ZNF18: variants seen among roughly 807,000 people sequenced by gnomAD.
ZNF18 encodes the protein zinc finger protein 18.
Under a neutral mutation model 58.1 loss-of-function variants are expected in ZNF18, and 42 were observed. The ratio of observed to expected loss-of-function variants is 0.72; its 90% CI spans 0.56 to 0.93. ZNF18 has a LOEUF of 0.93. Ranked by LOEUF, ZNF18 falls within the 40% of genes least tolerant of loss-of-function variation. The pLI, the probability that ZNF18 is intolerant of heterozygous loss-of-function variation, is 0.00. For synonymous variants in ZNF18, 231 were observed against 239.8 expected, an observed-to-expected ratio of 0.96 and a Z score of 0.34; for missense variants, 540 against 644.2, an observed-to-expected ratio of 0.84 and a Z score of 1.75.
intron 2 of ZNF18, 43 bp downstream of exon 2, chr17:11,992,400 G>A (rs201702997): frequency 5.1e-4 from 815 of 1,582,722 alleles, no homozygotes; most frequent in Non-Finnish European, 6.7e-4. Flanking sequence ...GACCAGAGAG[G>A]AGCCCTGTGT....
the ZNF18 span, among the ~76,000 whole-genome samples, chr17:12,008,716 G>T: frequency 2.0e-5 from 3 of 152,178 alleles, no homozygotes; most frequent in African/African-American, 7.2e-5. Context: ...AGATTGGGCA[G>T]GGCACTGCCC....
chr17:12,009,640 A>G, the ZNF18 span, among the ~76,000 whole-genome samples: 12 of 151,796 alleles, frequency 7.9e-5, no homozygotes, highest in African/African-American at 2.9e-4. Flanking sequence ...CTTGGTAGAG[A>G]CAAGGTTTCA....
chr17:12,008,622 G>A, the ZNF18 span, among the ~76,000 whole-genome samples: 2 of 152,180 alleles, frequency 1.3e-5, no homozygotes, highest in Admixed American at 1.3e-4. Context: ...GGTTAATGAT[G>A]CTCCCCTCAG....
chr17:11,985,103 C>T (rs112646204), intron 4 of ZNF18, among the ~76,000 whole-genome samples: 9 of 152,286 alleles, frequency 5.9e-5, no homozygotes, highest in African/African-American at 1.9e-4. Flanking sequence ...TAGAGTCTAA[C>T]ATTAAATTAG....
the ZNF18 span, chr17:12,010,765 T>C: frequency 3.0e-6 from 1 of 335,444 alleles, no homozygotes; most frequent in Admixed American, 3.7e-5. Flanking sequence ...ATAGGGAATA[T>C]GTTCCAGCAC....
the ZNF18 span, among the ~76,000 whole-genome samples, chr17:12,007,802 G>A: frequency 6.6e-6 from 1 of 152,136 alleles, no homozygotes; most frequent in Admixed American, 6.5e-5. Context: ...AGGTCTCACA[G>A]ATCAATTTTA....
the ZNF18 span, chr17:12,020,953 C>T: frequency 8.2e-7 from 1 of 1,216,804 alleles, no homozygotes. Flanking sequence ...CACCCCCGGC[C>T]CCGTAGGGTC....
At chr17:12,004,767 A>C in the ZNF18 span, among the ~76,000 whole-genome samples, 3 of 151,822 alleles carry the variant, frequency 2.0e-5, no homozygotes, top group African/African-American at 7.3e-5. Context: ...CATGCCTATA[A>C]TCCCAGCTAC....
At chr17:11,994,767 G>A (rs760654048) in intron 1 of ZNF18, among the ~76,000 whole-genome samples, 1 of 152,156 alleles carries the variant, frequency 6.6e-6, no homozygotes, top group African/African-American at 2.4e-5. Context: ...CATGAACCTG[G>A]GAGGCAGAGC....
the ZNF18 span, among the ~76,000 whole-genome samples, chr17:12,020,346 C>G: frequency 6.6e-6 from 1 of 152,130 alleles, no homozygotes; most frequent in Non-Finnish European, 1.5e-5. Flanking sequence ...CTTGGGACTC[C>G]CCTTTCCCCT....
chr17:12,013,965 T>A, the ZNF18 span, among the ~76,000 whole-genome samples: 1 of 152,218 alleles, frequency 6.6e-6, no homozygotes, highest in Non-Finnish European at 1.5e-5. Flanking sequence ...GACTGACAGA[T>A]GGTCACGAGA....
chr17:11,981,702 G>T (rs1250160892), intron 6 of ZNF18, among the ~76,000 whole-genome samples: 1 of 151,874 alleles, frequency 6.6e-6, no homozygotes. Context: ...AATAAGGTCA[G>T]ACTACTAGGA....
At chr17:11,996,707 G>A (rs772670506) in intron 1 of ZNF18, 7 of 152,142 alleles carry the variant, frequency 4.6e-5, no homozygotes, top group South Asian at 2.1e-4. Context: ...TACACAAGTG[G>A]TTACATACAT....
rs375063770 is a variant in ZNF18, at chr17:11,991,210, G to C, written c.388-47C>G. 9.9e-6 allele frequency: 15 copies of C among 1,522,432 alleles called. No homozygotes were observed. In the African/African-American group the frequency reaches 1.8e-4, roughly 18 times the overall value. 94.3% of individuals were successfully genotyped at this position (1,522,432 alleles called of 1,614,324 possible). A position where few individuals can be genotyped will look rare whatever the true frequency, so the allele number is the denominator to read the frequency against. ...GTAATTACTGAAGAATCCAGAGTAA[G>C]GATCTCTAAAAGACACAAAGCTTAC... is the stretch of plus-strand genomic sequence containing the variant. On this transcript the variant is annotated intron_variant, in intron 2 of 6. Coordinates refer to ENST00000580306, the MANE Select transcript of ZNF18 (RefSeq NM_001303281.2).
intron 1 of ZNF18, among the ~76,000 whole-genome samples, chr17:11,994,130 A>T (rs192877748): frequency 1.3e-5 from 2 of 152,152 alleles, no homozygotes; most frequent in Middle Eastern, 3.4e-3. Flanking sequence ...AGCAATTTTT[A>T]AAAAAAGATA....
the ZNF18 span, among the ~76,000 whole-genome samples, chr17:12,005,888 G>T: frequency 6.6e-6 from 1 of 152,076 alleles, no homozygotes; most frequent in Non-Finnish European, 1.5e-5. Flanking sequence ...ACAAACAGTG[G>T]CTACATAGTC....
the ZNF18 span, among the ~76,000 whole-genome samples, chr17:12,016,527 G>A: frequency 1.3e-5 from 2 of 151,912 alleles, no homozygotes; most frequent in African/African-American, 2.4e-5. Flanking sequence ...ATGGGGTTTC[G>A]CGATGTTGCC....
the ZNF18 span, among the ~76,000 whole-genome samples, chr17:12,004,459 A>G: frequency 6.6e-6 from 1 of 152,242 alleles, no homozygotes; most frequent in African/African-American, 2.4e-5. Context: ...ACATGTAAAC[A>G]GCAATAAAAT....
In ZNF18 at chr17:11,984,187, C is replaced by T. The variant is rs1465707100; in HGVS notation, c.677G>A (p.Arg226Lys). 1.9e-5 allele frequency: 31 copies of T among 1,601,570 alleles called. No individual in the cohort carries two copies. In the South Asian group the frequency reaches 3.5e-4, roughly 18 times the overall value. ...LLPAAPQEQW[R>K]QLDSTQKEQY... The stretch of plus-strand genomic sequence containing the variant: ...CTCCTTTTGAGTGGAATCCAGTTGT[C>T]TCCACTGTTCCTGGAAAAAAAAAAA... The change falls in exon 5 of 7, where the codon AGA becomes AAA. Residue 226 changes from arginine (R) to lysine (K), a missense_variant. Coordinates refer to ENST00000580306, the MANE Select transcript of ZNF18 (RefSeq NM_001303281.2).
Sources: allele counts gnomAD v4.1 joint callset (sites outside exome capture counted in the v4.1 genomes callset), GRCh38; gene constraint gnomAD v4.1.1; transcripts MANE v1.5; gene names NCBI Gene and HGNC (gene_info 2026-07-23, HGNC 2026-07-21).